TMEM123: variants seen among roughly 807,000 people sequenced by gnomAD.
TMEM123 encodes the protein transmembrane protein 123.
Under a neutral mutation model 19.7 loss-of-function variants are expected in TMEM123, and 16 were observed. The ratio of observed to expected loss-of-function variants is 0.81; its 90% CI spans 0.55 to 1.23. TMEM123 has a LOEUF of 1.23. Among genes scored for constraint, TMEM123 ranks in the 50% most tolerant of loss-of-function variants. TMEM123 has a pLI of 0.00. For synonymous variants in TMEM123, 118 were observed against 99.4 expected, an observed-to-expected ratio of 1.19 and a Z score of -1.12; for missense variants, 313 against 257.8, an observed-to-expected ratio of 1.21 and a Z score of -1.47.
At chr11:102,435,423 A>G (rs1197200035) in intron 2 of TMEM123, among the ~76,000 whole-genome samples, 2 of 151,974 alleles carry the variant, frequency 1.3e-5, no homozygotes, top group African/African-American at 2.4e-5. Context: ...TACAACGAAA[A>G]AACCGTACAA....
intron 2 of TMEM123, among the ~76,000 whole-genome samples, chr11:102,446,839 A>G (rs536491327): frequency 1.6e-4 from 25 of 152,364 alleles, no homozygotes; most frequent in Non-Finnish European, 2.9e-4. Context: ...AATACACATC[A>G]TAATGGAATT....
chr11:102,421,858 A>G (rs1565351202), intron 2 of TMEM123, among the ~76,000 whole-genome samples: 2 of 152,166 alleles, frequency 1.3e-5, no homozygotes, highest in Non-Finnish European at 2.9e-5. Context: ...CATGATCTGT[A>G]GAACATCAAT....
chr11:102,450,187 C>G (rs577441677), intron 1 of TMEM123, among the ~76,000 whole-genome samples: 1 of 152,210 alleles, frequency 6.6e-6, no homozygotes, highest in South Asian at 2.1e-4. Flanking sequence ...AACACAACAG[C>G]CTGTTTTTGT....
intron 2 of TMEM123, among the ~76,000 whole-genome samples, chr11:102,446,414 T>G (rs936850903): frequency 6.6e-6 from 1 of 152,352 alleles, no homozygotes; most frequent in Non-Finnish European, 1.5e-5. Context: ...CAGTGGTACA[T>G]TGGAAAGCAA....
intron 1 of TMEM123, among the ~76,000 whole-genome samples, chr11:102,449,730 G>C (rs906175211): frequency 1.3e-5 from 2 of 152,206 alleles, no homozygotes; most frequent in Non-Finnish European, 2.9e-5. Context: ...AGACTACGTA[G>C]ATGTATTTAG....
chr11:102,396,883 G>C lies in TMEM123; in HGVS notation c.*1984C>G, dbSNP rs1464836412. The C allele has an allele frequency of 6.6e-6, 1 of 152,162 alleles. No individual in the cohort carries two copies. The highest frequency in any genetic ancestry group is 2.4e-5 in the African/African-American group (1 of 41,438). 9.4% of individuals were successfully genotyped at this position (152,162 alleles called of 1,614,324 possible). A position where few individuals can be genotyped will look rare whatever the true frequency, so the allele number is the denominator to read the frequency against. ...TATCTTCAAAGTGCTAAAGAAACAA[G>C]TATTCAAAAAGAAACTTCAGGTCGG... On this transcript the variant is annotated 3_prime_UTR_variant, in exon 5 of 5. Transcript: ENST00000398136.
At chr11:102,440,404 T>G (rs966482582) in intron 2 of TMEM123, among the ~76,000 whole-genome samples, 2 of 152,174 alleles carry the variant, frequency 1.3e-5, no homozygotes, top group Non-Finnish European at 2.9e-5. Flanking sequence ...TTCAACATTC[T>G]TAAAGAAAAG....
At chr11:102,400,000 T>C (rs1346443520) in intron 4 of TMEM123, among the ~76,000 whole-genome samples, 1 of 146,114 alleles carries the variant, frequency 6.8e-6, no homozygotes, top group Admixed American at 6.7e-5. Context: ...TCTTAAATTA[T>C]CATTTTTGTT....
intron 2 of TMEM123, among the ~76,000 whole-genome samples, chr11:102,438,609 T>C (rs1291601487): frequency 6.6e-6 from 1 of 152,206 alleles, no homozygotes; most frequent in Non-Finnish European, 1.5e-5. Flanking sequence ...ATGTTAAAAA[T>C]TACCAGCAAC....
intron 2 of TMEM123, among the ~76,000 whole-genome samples, chr11:102,435,536 TAAAC>T (rs1857753960): frequency 6.6e-6 from 1 of 151,932 alleles, no homozygotes; most frequent in East Asian, 1.9e-4. Context: ...GGCAGTTCAT[TAAAC>T]AAAGTTACCA....
At chr11:102,404,370 G>T (rs777997533) in intron 2 of TMEM123, among the ~76,000 whole-genome samples, 1 of 151,644 alleles carries the variant, frequency 6.6e-6, no homozygotes, top group East Asian at 1.9e-4. Flanking sequence ...GGCAACCTCC[G>T]CCTTCTGGGT....
intron 1 of TMEM123, among the ~76,000 whole-genome samples, chr11:102,449,916 T>G (rs374011636): frequency 1.3e-5 from 2 of 152,170 alleles, no homozygotes; most frequent in South Asian, 4.1e-4. Context: ...TTGGACCAGA[T>G]AGTTTGATTC....
Position 102,397,843 on chromosome 11 carries a change from C to A in TMEM123, c.*1024G>T, listed in dbSNP as rs117373613. 10 of 152,112 alleles carry A rather than the reference C, an allele frequency of 6.6e-5. No homozygotes were observed. Among genetic ancestry groups the A allele is most frequent in the Admixed American group, 1.3e-4 (2 of 15,272 alleles). 9.4% of individuals were successfully genotyped at this position (152,112 alleles called of 1,614,324 possible). ...CCCTGGCTTAATAAACACAGCATTA[C>A]GCTATAGTTTTGACTCTATAGAATT... is the stretch of plus-strand genomic sequence containing the variant. On this transcript the variant is annotated 3_prime_UTR_variant, in exon 5 of 5. Transcript: ENST00000398136.
At chr11:102,439,834 T>C (rs912275403) in intron 2 of TMEM123, among the ~76,000 whole-genome samples, 17 of 152,034 alleles carry the variant, frequency 1.1e-4, no homozygotes, top group African/African-American at 4.1e-4. Context: ...CTAACTAGAA[T>C]AAATAGCATA....
intron 2 of TMEM123, among the ~76,000 whole-genome samples, chr11:102,406,249 G>A (rs1951954776): frequency 6.6e-6 from 1 of 152,198 alleles, no homozygotes; most frequent in Admixed American, 6.5e-5. Context: ...GCTGGAGGGT[G>A]TCAGTGTGCA....
chr11:102,436,406 G>A (rs1258310872), intron 2 of TMEM123, among the ~76,000 whole-genome samples: 3 of 151,716 alleles, frequency 2.0e-5, no homozygotes, highest in Admixed American at 6.6e-5. Flanking sequence ...CAAGTGATCC[G>A]CCCGCCTCAG....
chr11:102,423,948 T>C (rs1392934157), intron 2 of TMEM123, among the ~76,000 whole-genome samples: 1 of 152,222 alleles, frequency 6.6e-6, no homozygotes, highest in Non-Finnish European at 1.5e-5. Flanking sequence ...TATATAAAAG[T>C]TTTAAACAAA....
chr11:102,409,427 C>T (rs774589591), intron 2 of TMEM123, among the ~76,000 whole-genome samples: 4 of 152,116 alleles, frequency 2.6e-5, no homozygotes, highest in Non-Finnish European at 5.9e-5. Context: ...ATTCCAGAAA[C>T]ATTCATTGCT....
chr11:102,439,162 C>G (rs920354885), intron 2 of TMEM123, among the ~76,000 whole-genome samples: 2 of 152,180 alleles, frequency 1.3e-5, no homozygotes, highest in Admixed American at 1.3e-4. Context: ...CCTCTGGGAG[C>G]AGGGCATACA....
Sources: gnomAD v4.1 joint callset for allele counts (sites outside exome capture counted in the v4.1 genomes callset) on GRCh38, gnomAD v4.1.1 for gene constraint, MANE v1.5 for transcripts, NCBI Gene and HGNC (gene_info 2026-07-23, HGNC 2026-07-21) for gene names.